Variants in SLCO3A1 observed in about 807,000 individuals in gnomAD.
The protein encoded by SLCO3A1 is PGE1 transporter.
A neutral mutation model predicts 63.1 loss-of-function variants in SLCO3A1; 27 were observed. The ratio of observed to expected loss-of-function variants is 0.43; its 90% CI spans 0.32 to 0.59. The LOEUF is 0.59. Among genes scored for constraint, SLCO3A1 ranks in the 20% least tolerant of loss-of-function variants. The pLI is 0.09. For missense variants in SLCO3A1, 773 were observed against 945.8 expected (o/e 0.82, Z 2.40); for synonymous variants, 473 against 409.9 (o/e 1.15, Z -1.86).
At chr15:92,028,760 T>G (rs2046607267) in intron 2 of SLCO3A1, among the ~76,000 whole-genome samples, 1 of 152,184 alleles carries the variant, frequency 6.6e-6, no homozygotes, top group African/African-American at 2.4e-5. Flanking sequence ...CAATTAGGGG[T>G]TTTTCCATTA....
At chr15:92,114,687 C>A (rs2047771666) in intron 4 of SLCO3A1, among the ~76,000 whole-genome samples, 1 of 152,094 alleles carries the variant, frequency 6.6e-6, no homozygotes, top group Non-Finnish European at 1.5e-5. Flanking sequence ...CTAAGACCTC[C>A]CTGCTCTCTG....
rs375402505 is a variant in SLCO3A1, at chr15:91,868,234, T to TA, written c.180+14147dup. On this transcript the variant is annotated intron_variant, in intron 1 of 9. Transcript: ENST00000318445. ...GCCCAGCAGATTTTTGTATTTTTAG[T>TA]AGAGTTGGGGTTTCGCCATGTTGGC... 3.3e-5 allele frequency among the ~76,000 whole-genome samples: 5 copies of TA among 152,034 alleles called. No individual in the cohort carries two copies. In the East Asian group the frequency reaches 9.7e-4, roughly 29 times the overall value.
rs1380911741 is a variant in SLCO3A1, at chr15:91,883,964, A to G, written c.180+29876A>G. Among the ~76,000 whole-genome samples, 2 of 152,236 alleles carry G rather than the reference A, an allele frequency of 1.3e-5. No homozygotes were observed. Among genetic ancestry groups the G allele is most frequent in the Non-Finnish European group, 2.9e-5 (2 of 68,038 alleles). ...CAGTTTCAGACCAAGGTCTGGCCTGACTGGAAAGCTTTATCACCATAGCAT... is the reference window on the plus strand; with the variant it reads ...CAGTTTCAGACCAAGGTCTGGCCTGGCTGGAAAGCTTTATCACCATAGCAT... On this transcript the variant is annotated intron_variant, in intron 1 of 9. Coordinates refer to ENST00000318445, the MANE Select transcript of SLCO3A1 (RefSeq NM_013272.4). This position sits in a 1 kb window ranked among gnomAD's most constrained non-coding sequence, Gnocchi z 4.8.
In SLCO3A1 at chr15:92,088,165, C is replaced by T. The variant is rs147425792; in HGVS notation, c.647-6716C>T. ...GAAGAGTCACTCACTCCTTCTTCTG[C>T]ATGGCCACTGTGACTAGTGCTCTCA... is the stretch of plus-strand genomic sequence containing the variant. On this transcript the variant is annotated intron_variant, in intron 2 of 9. Coordinates refer to ENST00000318445, the MANE Select transcript of SLCO3A1 (RefSeq NM_013272.4). 3.7e-3 allele frequency among the ~76,000 whole-genome samples: 562 copies of T among 152,344 alleles called. 5 individuals carry two copies. Among genetic ancestry groups the T allele is most frequent in the African/African-American group, 0.013 (537 of 41,594 alleles).
At chr15:91,924,618 AG>A (rs1195056840) in intron 2 of SLCO3A1, among the ~76,000 whole-genome samples, 1 of 152,208 alleles carries the variant, frequency 6.6e-6, no homozygotes, top group East Asian at 1.9e-4. Flanking sequence ...TCTGAATGTT[AG>A]GGGTATTGGA....
intron 7 of SLCO3A1, among the ~76,000 whole-genome samples, chr15:92,130,686 A>C (rs1008166658): frequency 1.3e-5 from 2 of 152,060 alleles, no homozygotes. Context: ...TCCGTGTGTC[A>C]CTCGTGACCC....
At chr15:92,112,442 A>G (rs1269899819) in intron 4 of SLCO3A1, among the ~76,000 whole-genome samples, 1 of 152,228 alleles carries the variant, frequency 6.6e-6, no homozygotes, top group Non-Finnish European at 1.5e-5. Flanking sequence ...AGTCAGCATC[A>G]GCTGTGGAGT....
At chr15:92,134,136 C>T (rs1462475066) in intron 7 of SLCO3A1, among the ~76,000 whole-genome samples, 1 of 152,230 alleles carries the variant, frequency 6.6e-6, no homozygotes, top group Non-Finnish European at 1.5e-5. Flanking sequence ...TACTTAGACA[C>T]AGCCCCCACC....
chr15:92,021,378 T>C (rs1338224831), intron 2 of SLCO3A1, among the ~76,000 whole-genome samples: 2 of 152,216 alleles, frequency 1.3e-5, no homozygotes, highest in Non-Finnish European at 2.9e-5. Flanking sequence ...CTGTGCCCCA[T>C]GAGGGCAAGA....
intron 2 of SLCO3A1, among the ~76,000 whole-genome samples, chr15:92,076,858 T>A (rs1167275000): frequency 6.6e-6 from 1 of 152,098 alleles, no homozygotes; most frequent in Non-Finnish European, 1.5e-5. Context: ...ATGAACCGAG[T>A]CAAGTACGGA....
chr15:92,048,603 C>T (rs1321618861), intron 2 of SLCO3A1, among the ~76,000 whole-genome samples: 6 of 152,200 alleles, frequency 3.9e-5, no homozygotes, highest in Non-Finnish European at 8.8e-5. Flanking sequence ...AGATATGTCA[C>T]ATGTCTGCTG....
chr15:92,121,558 C>T lies in SLCO3A1; in HGVS notation c.1174+929C>T, dbSNP rs57176840. On this transcript the variant is annotated intron_variant, in intron 5 of 9. Transcript: ENST00000318445. ...ATCTAAGTGATGTCCAGTATTCAGC[C>T]GAGGGGTCAAGAAGGGTCTCTGGGA... Among the ~76,000 whole-genome samples, 1,299 of 152,096 alleles carry T rather than the reference C, an allele frequency of 8.5e-3. 22 individuals are homozygous for T. The highest frequency in any genetic ancestry group is 0.03 in the African/African-American group (1,242 of 41,456).
At chr15:92,123,025 A>C (rs998247158) in intron 5 of SLCO3A1, among the ~76,000 whole-genome samples, 2 of 152,234 alleles carry the variant, frequency 1.3e-5, no homozygotes, top group African/African-American at 4.8e-5. Context: ...AAATGTTCTA[A>C]GGTTAATCTG....
intron 2 of SLCO3A1, among the ~76,000 whole-genome samples, chr15:91,921,311 C>T (rs1898836095): frequency 6.6e-6 from 1 of 152,158 alleles, no homozygotes; most frequent in Non-Finnish European, 1.5e-5. Flanking sequence ...GCTCATTTAA[C>T]CTTAATTGCC....
chr15:91,990,561 G>A (rs994770969), intron 2 of SLCO3A1, among the ~76,000 whole-genome samples: 1 of 151,172 alleles, frequency 6.6e-6, no homozygotes, highest in Admixed American at 6.6e-5. Context: ...CTAGGGCACT[G>A]TTCTTAACCT....
At chr15:91,974,318 C>T (rs1901012683) in intron 2 of SLCO3A1, among the ~76,000 whole-genome samples, 1 of 142,668 alleles carries the variant, frequency 7.0e-6, no homozygotes, top group African/African-American at 2.6e-5. Context: ...GCCTTCTTAG[C>T]ATTTGCAGTG....
chr15:91,889,307 TG>T, intron 1 of SLCO3A1: 1 of 465,210 alleles, frequency 2.1e-6, no homozygotes, highest in Non-Finnish European at 4.1e-6. Flanking sequence ...TGTAGGCCTC[TG>T]CTATCTCCCC....
rs916822148 is a variant in SLCO3A1, at chr15:91,853,869, A to AAGCGGC, written c.-33_-28dup. 1.6e-6 allele frequency: 2 copies of AAGCGGC among 1,258,702 alleles called. No individual in the cohort carries two copies. Among genetic ancestry groups the AAGCGGC allele is most frequent in the Non-Finnish European group, 9.9e-7 (1 of 1,005,322 alleles). 78.0% of individuals were successfully genotyped at this position (1,258,702 alleles called of 1,614,324 possible). On this transcript the variant is annotated 5_prime_UTR_variant, in exon 1 of 10. Transcript: ENST00000318445. Reference sequence around the variant, plus strand: ...GCCCCGACACCCGGGGCGAGCGGGAAAGCGGCAGCGGCGGCGGCGGCGGCG... The same window carrying AAGCGGC: ...GCCCCGACACCCGGGGCGAGCGGGAAAGCGGCAGCGGCAGCGGCGGCGGCGGCGGCG...
intron 2 of SLCO3A1, among the ~76,000 whole-genome samples, chr15:92,051,859 G>T (rs1376519684): frequency 6.6e-6 from 1 of 152,080 alleles, no homozygotes; most frequent in Non-Finnish European, 1.5e-5. Flanking sequence ...GCGTGATGAG[G>T]GTTAGATGCT....
Sources: gnomAD v4.1 joint callset for allele counts (sites outside exome capture counted in the v4.1 genomes callset) on GRCh38, gnomAD v4.1.1 for gene constraint, Gnocchi (gnomAD v3.1) non-coding constraint, MANE v1.5 for transcripts, NCBI Gene and HGNC (gene_info 2026-07-23, HGNC 2026-07-21) for gene names.